The following PTAFR variants were observed in gnomAD, a reference collection of about 807,000 sequenced individuals.
PTAFR encodes platelet activating factor receptor.
PTAFR carries 8 observed loss-of-function variants against 14.7 expected under a neutral mutation model. That is an observed-to-expected ratio of 0.54 (90% CI 0.32 to 0.98). The LOEUF (loss-of-function observed/expected upper bound fraction) is 0.98, where lower values mean the gene tolerates loss of function less well. Among genes scored for constraint, PTAFR ranks in the 50% least tolerant of loss-of-function variants. The pLI is 0.04. For missense variants in PTAFR, 337 were observed against 451.2 expected (o/e 0.75, Z 2.29); for synonymous variants, 156 against 176.5 (o/e 0.88, Z 0.92).
At chr1:28,159,132 G>A (rs1256934368) in intron 1 of PTAFR, among the ~76,000 whole-genome samples, 2 of 152,164 alleles carry the variant, frequency 1.3e-5, no homozygotes, top group Non-Finnish European at 2.9e-5. Flanking sequence ...ACACTGAGGA[G>A]GAACAGCATG....
chr1:28,154,825 A>AAG, intron 1 of PTAFR, among the ~76,000 whole-genome samples: 1 of 148,452 alleles, frequency 6.7e-6, no homozygotes, highest in African/African-American at 2.5e-5. Flanking sequence ...AAAAAAAAAA[A>AAG]AAAAAAGTGG....
chr1:28,187,801 A>AT (rs1646619173), intron 1 of PTAFR, among the ~76,000 whole-genome samples: 3 of 152,226 alleles, frequency 2.0e-5, no homozygotes, highest in African/African-American at 7.2e-5. Flanking sequence ...TTCTTAAATT[A>AT]AGACATGGAA....
chr1:28,179,260 C>T (rs1344487823), upstream of PTAFR, among the ~76,000 whole-genome samples: 2 of 152,210 alleles, frequency 1.3e-5, no homozygotes, highest in East Asian at 3.9e-4. Context: ...CCTCCGGGAT[C>T]AACCAGCCTC....
chr1:28,185,072 T>C (rs1238448228), intron 1 of PTAFR, among the ~76,000 whole-genome samples: 2 of 151,976 alleles, frequency 1.3e-5, no homozygotes, highest in Non-Finnish European at 2.9e-5. Context: ...GTTGCAGCCA[T>C]CCCCCCACAT....
chr1:28,188,530 G>A (rs186155614), intron 1 of PTAFR, among the ~76,000 whole-genome samples: 428 of 152,282 alleles, frequency 2.8e-3, no homozygotes, highest in Non-Finnish European at 4.2e-3. Flanking sequence ...TCTGAGGTCA[G>A]GAATTCGAGA....
intron 1 of PTAFR, among the ~76,000 whole-genome samples, chr1:28,157,630 A>ATT (rs1197395346): frequency 5.0e-4 from 66 of 131,142 alleles, no homozygotes; most frequent in African/African-American, 1.6e-3. Context: ...ATTAATTTTG[A>ATT]TTTTTTTTTT....
chr1:28,192,558 CAAAAAAA>C (rs375926757), intron 1 of PTAFR, among the ~76,000 whole-genome samples: 1 of 56,302 alleles, frequency 1.8e-5, no homozygotes, highest in Non-Finnish European at 4.2e-5. Flanking sequence ...AACTCCGTCT[CAAAAAAA>C]AAAAAAAAAA....
At chr1:28,184,558 T>C (rs1431310838) in intron 1 of PTAFR, among the ~76,000 whole-genome samples, 2 of 152,198 alleles carry the variant, frequency 1.3e-5, no homozygotes, top group African/African-American at 4.8e-5. Context: ...ATCTCCTACA[T>C]CTCGCTCCCT....
chr1:28,181,125 G>T (rs1479327272), upstream of PTAFR, among the ~76,000 whole-genome samples: 2 of 152,202 alleles, frequency 1.3e-5, no homozygotes, highest in Admixed American at 6.5e-5. Context: ...TGGGATTACA[G>T]GTGTGAGCAC....
upstream of PTAFR, among the ~76,000 whole-genome samples, chr1:28,178,708 C>T (rs1052224691): frequency 1.2e-4 from 19 of 152,026 alleles, no homozygotes; most frequent in Admixed American, 2.0e-4. Context: ...TCAGCGCCTA[C>T]TCTCATGCGA....
At chr1:28,168,202 A>G (rs1207012993) in intron 1 of PTAFR, among the ~76,000 whole-genome samples, 1 of 141,358 alleles carries the variant, frequency 7.1e-6, no homozygotes, top group Non-Finnish European at 1.5e-5. Flanking sequence ...CAATCTGCTG[A>G]CCTCGTGATC....
chr1:28,184,870 C>T (rs565007312), intron 1 of PTAFR, among the ~76,000 whole-genome samples: 5 of 152,244 alleles, frequency 3.3e-5, no homozygotes, highest in Middle Eastern at 3.4e-3. Context: ...GAACTCATGA[C>T]CTCAAGTGAT....
intron 1 of PTAFR, among the ~76,000 whole-genome samples, chr1:28,169,345 A>G (rs1429394751): frequency 6.6e-6 from 1 of 152,210 alleles, no homozygotes; most frequent in Non-Finnish European, 1.5e-5. Flanking sequence ...ATTTGAAAGT[A>G]CATTGTGTAT....
intron 1 of PTAFR, among the ~76,000 whole-genome samples, chr1:28,163,687 G>A (rs1011619145): frequency 6.6e-6 from 1 of 152,206 alleles, no homozygotes; most frequent in African/African-American, 2.4e-5. Flanking sequence ...CAGGACCTGA[G>A]CCACAAATGA....
In PTAFR at chr1:28,150,934, C is replaced by A; in HGVS notation, c.88G>T (p.Val30Phe). The A allele has an allele frequency of 6.2e-7, 1 of 1,614,052 alleles. No homozygotes were observed. Among genetic ancestry groups the A allele is most frequent in the South Asian group, 1.1e-5 (1 of 91,066 alleles). Residue 30 changes from valine (V) to phenylalanine (F), a missense_variant, in exon 2 of 2, where the codon GTC becomes TTC. By Grantham distance (50) the Val-to-Phe change is conservative. Coordinates refer to ENST00000373857, the MANE Select transcript of PTAFR (RefSeq NM_000952.5). The surrounding 1 kb of genome is among the most constrained non-coding windows in gnomAD (Gnocchi z 6.3). ...IVYSIIFVLG[V>F]IANGYVLWVF... ...CACAGCACGTAGCCATTAGCAATGACCCCGAGCACAAAGATGATGCTGTAA... is the reference window on the plus strand; with the variant it reads ...CACAGCACGTAGCCATTAGCAATGAACCCGAGCACAAAGATGATGCTGTAA...
intron 1 of PTAFR, among the ~76,000 whole-genome samples, chr1:28,184,169 T>G (rs538738798): frequency 3.8e-5 from 5 of 132,190 alleles, no homozygotes; most frequent in South Asian, 5.3e-4. Flanking sequence ...CTCAGCTCAC[T>G]CCAACCTCCG....
chr1:28,179,257 G>A (rs78396679), upstream of PTAFR, among the ~76,000 whole-genome samples: 573 of 152,264 alleles, frequency 3.8e-3, 2 homozygotes, highest in Non-Finnish European at 7.3e-3. Flanking sequence ...GGACCTCCGG[G>A]ATCAACCAGC....
intron 1 of PTAFR, among the ~76,000 whole-genome samples, chr1:28,162,168 G>A (rs755249571): frequency 1.3e-5 from 2 of 152,166 alleles, no homozygotes; most frequent in East Asian, 1.9e-4. Flanking sequence ...GATCGGACTC[G>A]CTCTAGCTGT....
chr1:28,163,256 G>A (rs1333142077), intron 1 of PTAFR, among the ~76,000 whole-genome samples: 1 of 152,158 alleles, frequency 6.6e-6, no homozygotes, highest in Non-Finnish European at 1.5e-5. Flanking sequence ...TATGCACTGG[G>A]CGCATTCCTC....
Sources: allele counts gnomAD v4.1 joint callset (sites outside exome capture counted in the v4.1 genomes callset), GRCh38; gene constraint gnomAD v4.1.1; non-coding constraint Gnocchi (gnomAD v3.1); transcripts MANE v1.5; gene names NCBI Gene and HGNC (gene_info 2026-07-23, HGNC 2026-07-21).